The following DLG2 variants were observed in gnomAD, a reference collection of about 807,000 sequenced individuals.
DLG2 encodes discs large MAGUK scaffold protein 2.
Under a neutral mutation model 132.5 loss-of-function variants are expected in DLG2, and 45 were observed. That is an observed-to-expected ratio of 0.34 (90% CI 0.27 to 0.44). The LOEUF is 0.44. Among genes scored for constraint, DLG2 ranks in the 20% least tolerant of loss-of-function variants. DLG2 has a pLI of 1.00. For missense variants in DLG2, 1,045 were observed against 1,196.9 expected (o/e 0.87, Z 1.87); for synonymous variants, 424 against 419.6 (o/e 1.01, Z -0.13).
In DLG2 at chr11:85,555,426, G is replaced by C. The variant is rs952725533; in HGVS notation, c.40+43231C>G. Among the ~76,000 whole-genome samples, 17 of 151,792 alleles carry C rather than the reference G, an allele frequency of 1.1e-4. 1 individual carries two copies. The highest frequency in any genetic ancestry group is 2.5e-4 in the Non-Finnish European group (17 of 67,866). On this transcript the variant is annotated intron_variant, in intron 3 of 27. Coordinates refer to ENST00000376104, the MANE Select transcript of DLG2 (RefSeq NM_001142699.3). ...TTTATAAAACTTTGACCTTCACATT[G>C]TTGAGGTGCAGAGAATGATACCCCA...
chr11:84,502,476 G>C (rs1297118615), intron 7 of DLG2, among the ~76,000 whole-genome samples: 1 of 147,936 alleles, frequency 6.8e-6, no homozygotes, highest in Admixed American at 6.9e-5. Context: ...GCTCACTGCA[G>C]CCTCCATCTC....
intron 6 of DLG2, among the ~76,000 whole-genome samples, chr11:84,777,299 A>ATATATATATATATATATATATT (rs2070790637): frequency 7.8e-6 from 1 of 128,858 alleles, no homozygotes; most frequent in African/African-American, 2.9e-5. Flanking sequence ...ATATATATAT[A>ATATATATATATATATATATATT]TATATATATA....
chr11:83,634,635 T>A (rs7932281), intron 18 of DLG2, among the ~76,000 whole-genome samples: 1 of 152,180 alleles, frequency 6.6e-6, no homozygotes, highest in Non-Finnish European at 1.5e-5. Flanking sequence ...AGGATGAATG[T>A]ATACAATAAA....
intron 14 of DLG2, among the ~76,000 whole-genome samples, chr11:83,959,984 G>T (rs939153124): frequency 1.7e-4 from 26 of 151,982 alleles, no homozygotes; most frequent in African/African-American, 5.8e-4. Flanking sequence ...AGGGTGCATA[G>T]GAGAGAAGGA....
chr11:83,629,310 A>G (rs1232063406), intron 19 of DLG2, among the ~76,000 whole-genome samples: 1 of 152,208 alleles, frequency 6.6e-6, no homozygotes, highest in Non-Finnish European at 1.5e-5. Context: ...GTCTGAATAA[A>G]TCACAGCAAC....
intron 7 of DLG2, among the ~76,000 whole-genome samples, chr11:84,416,391 T>G (rs1026891763): frequency 6.6e-6 from 1 of 152,202 alleles, no homozygotes; most frequent in African/African-American, 2.4e-5. Context: ...TTTTTTTTCC[T>G]TGTTTCCCAC....
intron 3 of DLG2, among the ~76,000 whole-genome samples, chr11:85,492,892 C>T (rs2093593769): frequency 6.6e-6 from 1 of 151,870 alleles, no homozygotes; most frequent in Non-Finnish European, 1.5e-5. Context: ...AAATAAGTTG[C>T]CTTTACATGC....
intron 18 of DLG2, among the ~76,000 whole-genome samples, chr11:83,746,812 G>A (rs959875680): frequency 7.9e-5 from 12 of 152,116 alleles, no homozygotes; most frequent in Admixed American, 1.3e-4. Flanking sequence ...TTGGAATTAG[G>A]TGACATATTA....
chr11:84,968,021 C>T (rs982356224), intron 6 of DLG2, among the ~76,000 whole-genome samples: 1 of 151,954 alleles, frequency 6.6e-6, no homozygotes, highest in African/African-American at 2.4e-5. Context: ...TTTAGACAAT[C>T]ATGTTAAAGA....
At chr11:84,199,783 C>T (rs1314677083) in intron 8 of DLG2, among the ~76,000 whole-genome samples, 8 of 152,004 alleles carry the variant, frequency 5.3e-5, no homozygotes, top group African/African-American at 1.4e-4. Flanking sequence ...GCAAAATAAA[C>T]CTACAGTGTC....
At chr11:84,688,815 C>T (rs2057674742) in intron 6 of DLG2, among the ~76,000 whole-genome samples, 1 of 152,174 alleles carries the variant, frequency 6.6e-6, no homozygotes, top group Non-Finnish European at 1.5e-5. Flanking sequence ...ACTCACTGCA[C>T]ACTTCTAGGA....
chr11:83,909,701 C>T (rs1405617215), intron 15 of DLG2, among the ~76,000 whole-genome samples: 2 of 152,058 alleles, frequency 1.3e-5, no homozygotes, highest in African/African-American at 4.8e-5. Context: ...AAAAGAGAGA[C>T]TTATGCTGGA....
chr11:85,377,177 A>G (rs920178813), intron 3 of DLG2, among the ~76,000 whole-genome samples: 3 of 152,134 alleles, frequency 2.0e-5, no homozygotes, highest in African/African-American at 7.2e-5. Flanking sequence ...GAGATTGCAT[A>G]CTCTTTTTGA....
At chr11:84,269,821 T>C (rs1246948744) in intron 7 of DLG2, among the ~76,000 whole-genome samples, 1 of 152,198 alleles carries the variant, frequency 6.6e-6, no homozygotes, top group African/African-American at 2.4e-5. Flanking sequence ...GAAATCCAGA[T>C]ATGATTGTTA....
chr11:84,123,079 CT>C (rs913371463), intron 9 of DLG2, among the ~76,000 whole-genome samples: 1 of 152,088 alleles, frequency 6.6e-6, no homozygotes, highest in African/African-American at 2.4e-5. Context: ...TAGGTACTTT[CT>C]TTATGAAAAA....
intron 6 of DLG2, among the ~76,000 whole-genome samples, chr11:85,080,776 C>G (rs577608197): frequency 4.6e-5 from 7 of 152,156 alleles, no homozygotes; most frequent in South Asian, 2.1e-4. Context: ...CAATTGTTGT[C>G]CAATCATCAA....
intron 8 of DLG2, among the ~76,000 whole-genome samples, chr11:84,169,787 C>T (rs2095773711): frequency 1.3e-5 from 2 of 151,860 alleles, no homozygotes; most frequent in African/African-American, 2.4e-5. Context: ...GCATGAGAAT[C>T]GCTTGAAGCA....
intron 7 of DLG2, among the ~76,000 whole-genome samples, chr11:84,505,347 T>C (rs542444839): frequency 1.3e-3 from 193 of 152,300 alleles, no homozygotes; most frequent in Non-Finnish European, 2.1e-3. Context: ...ATATGTAACA[T>C]CTCATTTGTC....
At chr11:83,864,034 G>A (rs1038415913) in intron 16 of DLG2, among the ~76,000 whole-genome samples, 1 of 152,178 alleles carries the variant, frequency 6.6e-6, no homozygotes, top group Non-Finnish European at 1.5e-5. Flanking sequence ...TGAAGAACAT[G>A]GCTCTGTTCT....
Sources: gnomAD v4.1 joint callset for allele counts (sites outside exome capture counted in the v4.1 genomes callset) on GRCh38, gnomAD v4.1.1 for gene constraint, MANE v1.5 for transcripts, NCBI Gene and HGNC (gene_info 2026-07-23, HGNC 2026-07-21) for gene names.